SYNM: variants seen among roughly 807,000 people sequenced by gnomAD.
SYNM encodes the protein synemin.
In SYNM, 95 loss-of-function variants were observed where a neutral mutation model predicts 104.0. The ratio of observed to expected loss-of-function variants is 0.91; its 90% CI spans 0.77 to 1.08. The LOEUF (loss-of-function observed/expected upper bound fraction) is 1.08, where lower values mean the gene tolerates loss of function less well. Among genes scored for constraint, SYNM ranks in the 50% least tolerant of loss-of-function variants. The pLI, the probability that SYNM is intolerant of heterozygous loss-of-function variation, is 0.00. For missense variants in SYNM, 2,150 were observed against 2,052.2 expected (o/e 1.05, Z -0.92); for synonymous variants, 918 against 869.0 (o/e 1.06, Z -0.99).
In SYNM at chr15:99,134,452, AAG is replaced by A. The variant is rs782128660; in HGVS notation, c.*1397_*1398del. 3 of 152,232 alleles carry A rather than the reference AAG, an allele frequency of 2.0e-5. No homozygotes were observed. The highest frequency in any genetic ancestry group is 4.8e-5 in the African/African-American group (2 of 41,456). 9.4% of individuals were successfully genotyped at this position (152,232 alleles called of 1,614,324 possible). ...TGTAAAGTGTAGCATCATATATAAA[AAG>A]AGTTTCGCTAGCAGCGCATTTTTTT... On this transcript the variant is annotated 3_prime_UTR_variant, in exon 4 of 4. Transcript: ENST00000336292.
intron 2 of SYNM, among the ~76,000 whole-genome samples, chr15:99,117,657 A>C (rs986439483): frequency 1.3e-5 from 2 of 152,128 alleles, no homozygotes; most frequent in African/African-American, 2.4e-5. Flanking sequence ...TTTCTTCCCT[A>C]CTTCGTCCTG....
At chr15:99,125,092 G>C (rs1463784721) in intron 2 of SYNM, among the ~76,000 whole-genome samples, 1 of 152,220 alleles carries the variant, frequency 6.6e-6, no homozygotes, top group East Asian at 1.9e-4. Context: ...CATACCTTCC[G>C]TTCTAACTTG....
chr15:99,115,566 G>A (rs1489345831), intron 2 of SYNM, among the ~76,000 whole-genome samples: 1 of 150,690 alleles, frequency 6.6e-6, no homozygotes, highest in Non-Finnish European at 1.5e-5. Context: ...CTGGGTTCAA[G>A]CAATTCTGTT....
intron 3 of SYNM, among the ~76,000 whole-genome samples, chr15:99,127,346 A>T (rs1185097805): frequency 6.6e-6 from 1 of 152,198 alleles, no homozygotes; most frequent in African/African-American, 2.4e-5. Flanking sequence ...GACAGGGCCC[A>T]TCCTTCCTAT....
In SYNM at chr15:99,132,783, C is replaced by T. The variant is rs782242576; in HGVS notation, c.4423C>T (p.Arg1475Trp). 6.5e-5 allele frequency: 105 copies of T among 1,613,724 alleles called. No homozygotes were observed. The highest frequency in any genetic ancestry group is 1.2e-4 in the Admixed American group (7 of 60,010). ...DVSNVEAIRS[R>W]TQEAGALGVS... ...GAGTAACGTAGAGGCGATCCGCAGC[C>T]GGACACAGGAAGCGGGAGCTCTCGG... The change falls in exon 4 of 4, where the codon CGG (arginine) becomes TGG (tryptophan). Residue 1475 changes from arginine (R) to tryptophan (W), a missense_variant. Physicochemically the swap from Arg to Trp is moderately radical, Grantham distance 101. Transcript: ENST00000336292.
downstream of SYNM, chr15:99,137,561 C>A (rs782467512): frequency 6.5e-6 from 1 of 153,398 alleles, no homozygotes; most frequent in Non-Finnish European, 1.5e-5. Context: ...CCTTTATTAG[C>A]GTTTTCTTCT....
At position 99,134,326 on chromosome 15, in the gene SYNM, G is replaced by GT; in HGVS notation, c.*1268_*1269insT. The GT allele has an allele frequency of 6.6e-6, 1 of 151,758 alleles. No individual in the cohort carries two copies. The allele number at this position is 151,758 out of a possible 1,614,324, so 9.4% of individuals were successfully genotyped here. A position where few individuals can be genotyped will look rare whatever the true frequency, so the allele number is the denominator to read the frequency against. ...CCCATGCTCATGGGCCGCGGAGTGTGGACCTGTAGATAGGCACCACCGAGT... is the reference window on the plus strand; with the variant it reads ...CCCATGCTCATGGGCCGCGGAGTGTGTGACCTGTAGATAGGCACCACCGAGT... On this transcript the variant is annotated 3_prime_UTR_variant, in exon 4 of 4. Transcript: ENST00000336292.
At position 99,105,237 on chromosome 15, in the gene SYNM, C is replaced by G. The variant is rs1555482316; in HGVS notation, c.38C>G (p.Ala13Gly). Residue 13 changes from alanine to glycine, a missense_variant, in exon 1 of 4, where the codon GCC (alanine) becomes GGC (glycine). Coordinates refer to ENST00000336292, the MANE Select transcript of SYNM (RefSeq NM_145728.3). ...CGGCTGCAGACGGGCCCCGAGAAGGCCGAGCTCCAGGAGCTCAACGCCCGG... is the reference window on the plus strand; with the variant it reads ...CGGCTGCAGACGGGCCCCGAGAAGGGCGAGCTCCAGGAGCTCAACGCCCGG... ...SWRLQTGPEK[A>G]ELQELNARLY... 6.4e-7 allele frequency: 1 copy of G among 1,573,244 alleles called. No individual in the cohort carries two copies. Among genetic ancestry groups the G allele is most frequent in the East Asian group, 2.3e-5 (1 of 42,968 alleles).
Position 99,105,280 on chromosome 15 carries a change from T to G in SYNM, c.81T>G (p.Cys27Trp). 6.4e-7 allele frequency: 1 copy of G among 1,557,704 alleles called. No homozygotes were observed. Among genetic ancestry groups the G allele is most frequent in the Non-Finnish European group, 8.7e-7 (1 of 1,151,824 alleles). ...ACGCCCGGCTCTATGACTACGTGTG[T>G]CGGGTGCGGGAGCTGGAGCGCGAAA... ...ELNARLYDYV[C>W]RVRELERENL... The change falls in exon 1 of 4, where the codon TGT (cysteine) becomes TGG (tryptophan). Residue 27 changes from cysteine to tryptophan, a missense_variant. Coordinates refer to ENST00000336292, the MANE Select transcript of SYNM (RefSeq NM_145728.3).
intron 2 of SYNM, among the ~76,000 whole-genome samples, chr15:99,118,319 T>C (rs1291825485): frequency 6.6e-6 from 1 of 152,242 alleles, no homozygotes; most frequent in African/African-American, 2.4e-5. Context: ...GGTGTGAAGT[T>C]CCTGTTTGTG....
At position 99,133,943 on chromosome 15, in the gene SYNM, TTGAAGACAA is replaced by T; in HGVS notation, c.*892_*900del. The stretch of plus-strand genomic sequence containing the variant: ...TAATTTCACTGGTGGGAGGTAGACC[TTGAAGACAA>T]TGAAGAGAATGCCGATACTCAGACT... On this transcript the variant is annotated 3_prime_UTR_variant, in exon 4 of 4. Coordinates refer to ENST00000336292, the MANE Select transcript of SYNM (RefSeq NM_145728.3). The T allele has an allele frequency of 6.6e-6, 1 of 152,224 alleles. No individual in the cohort carries two copies. Among genetic ancestry groups the T allele is most frequent in the East Asian group, 1.9e-4 (1 of 5,198 alleles). The allele number at this position is 152,224 out of a possible 1,614,324, so 9.4% of individuals were successfully genotyped here.
chr15:99,111,566 T>C (rs1209344820), intron 1 of SYNM, among the ~76,000 whole-genome samples: 3 of 152,242 alleles, frequency 2.0e-5, no homozygotes, highest in African/African-American at 4.8e-5. Context: ...GGATCTGTTA[T>C]CGTTTTTCCA....
chr15:99,108,363 G>C (rs1366835652), intron 1 of SYNM, among the ~76,000 whole-genome samples: 2 of 151,926 alleles, frequency 1.3e-5, no homozygotes, highest in Non-Finnish European at 2.9e-5. Flanking sequence ...TCTTCCCTCA[G>C]TTAACTTAAG....
In SYNM at chr15:99,131,353, C is replaced by G; in HGVS notation, c.2993C>G (p.Thr998Ser). Residue 998 changes from threonine to serine, a missense_variant, in exon 4 of 4, where the codon ACC becomes AGC. Physicochemically the swap from Thr to Ser is moderately conservative, Grantham distance 58. Coordinates refer to ENST00000336292, the MANE Select transcript of SYNM (RefSeq NM_145728.3). This position sits in a 1 kb window ranked among gnomAD's most constrained non-coding sequence, Gnocchi z 4.3. ...KVQGAGGSSV[T>S]LVAEVNVSQT... ...CAGGGTGCTGGTGGCAGTTCCGTGA[C>G]CCTGGTTGCTGAAGTCAACGTCTCA... The G allele has an allele frequency of 6.2e-7, 1 of 1,613,308 alleles. No individual in the cohort carries two copies. Among genetic ancestry groups the G allele is most frequent in the Non-Finnish European group, 8.5e-7 (1 of 1,179,690 alleles).
intron 1 of SYNM, among the ~76,000 whole-genome samples, chr15:99,106,994 A>G (rs781824113): frequency 6.6e-6 from 1 of 152,220 alleles, no homozygotes; most frequent in Non-Finnish European, 1.5e-5. Context: ...GTCATATGGA[A>G]TGACTGCGGT....
At position 99,105,330 on chromosome 15, in the gene SYNM, G is replaced by A; in HGVS notation, c.131G>A (p.Arg44His). Residue 44 changes from arginine (R) to histidine (H), a missense_variant, in exon 1 of 4, where the codon CGC becomes CAC. Transcript: ENST00000336292. ...AACCTACTCCTGGAGGAGGAGCTGC[G>A]CGGCCGGCGCGGGCGAGAGGGCCTG... is the stretch of plus-strand genomic sequence containing the variant. Reference protein sequence around the residue: ...RENLLLEEELRGRRGREGLWA... With the variant: ...RENLLLEEELHGRRGREGLWA... The A allele has an allele frequency of 6.5e-7, 1 of 1,541,294 alleles. No individual in the cohort carries two copies. The highest frequency in any genetic ancestry group is 8.7e-7 in the Non-Finnish European group (1 of 1,145,790).
At chr15:99,117,236 C>T (rs1446295883) in intron 2 of SYNM, among the ~76,000 whole-genome samples, 1 of 152,202 alleles carries the variant, frequency 6.6e-6, no homozygotes, top group African/African-American at 2.4e-5. Context: ...TGGACTCTTC[C>T]CACCACGTGG....
Position 99,131,974 on chromosome 15 carries a change from C to T in SYNM, c.3614C>T (p.Pro1205Leu). The T allele has an allele frequency of 6.2e-7, 1 of 1,613,970 alleles. No homozygotes were observed. Among genetic ancestry groups the T allele is most frequent in the Non-Finnish European group, 8.5e-7 (1 of 1,179,894 alleles). Residue 1205 changes from proline to leucine, a missense_variant, in exon 4 of 4, where the codon CCT (proline) becomes CTT (leucine). By Grantham distance (98) the Pro-to-Leu change is moderately conservative (BLOSUM62 -3). Transcript: ENST00000336292. The surrounding 1 kb of genome is among the most constrained non-coding windows in gnomAD (Gnocchi z 4.3). ...ACPEAWGSPE[P>L]GPAESSADMD... ...CCAGAGGCATGGGGCTCGCCAGAAC[C>T]TGGCCCAGCAGAGTCTTCTGCAGAT...
downstream of SYNM, chr15:99,138,003 G>T: frequency 6.2e-7 from 1 of 1,614,052 alleles, no homozygotes; most frequent in South Asian, 1.1e-5. Flanking sequence ...TTTTCAGGGT[G>T]GGGGCCTCAG....
Sources: allele counts gnomAD v4.1 joint callset (sites outside exome capture counted in the v4.1 genomes callset), GRCh38; gene constraint gnomAD v4.1.1; non-coding constraint Gnocchi (gnomAD v3.1); transcripts MANE v1.5; gene names NCBI Gene and HGNC (gene_info 2026-07-23, HGNC 2026-07-21).